Variants in SRD5A3 observed in about 807,000 individuals in gnomAD.
SRD5A3 encodes steroid 5 alpha-reductase 3.
In SRD5A3, 24 loss-of-function variants were observed where a neutral mutation model predicts 34.3. The observed-to-expected ratio is 0.70, with a 90% CI of 0.51 to 0.99. The LOEUF (loss-of-function observed/expected upper bound fraction) is 0.99, where lower values mean the gene tolerates loss of function less well. Ranked by LOEUF, SRD5A3 falls within the 50% of genes least tolerant of loss-of-function variation. SRD5A3 has a pLI of 0.00. For missense variants in SRD5A3, 350 were observed against 388.2 expected, an observed-to-expected ratio of 0.90 and a Z score of 0.83; for synonymous variants, 161 against 167.3, an observed-to-expected ratio of 0.96 and a Z score of 0.29.
At chr4:55,362,276 C>T (rs1474095660) in intron 2 of SRD5A3, among the ~76,000 whole-genome samples, 9 of 151,542 alleles carry the variant, frequency 5.9e-5, no homozygotes, top group East Asian at 2.0e-4. Context: ...TACAGGCATG[C>T]GCCACCATGC....
At chr4:55,363,274 AT>A (rs1719753542) in intron 2 of SRD5A3, among the ~76,000 whole-genome samples, 2 of 152,044 alleles carry the variant, frequency 1.3e-5, no homozygotes, top group South Asian at 2.1e-4. Context: ...AACAAAAAAA[AT>A]TTTTTTTTAA....
intron 1 of SRD5A3, among the ~76,000 whole-genome samples, chr4:55,355,444 C>T (rs964696820): frequency 1.3e-4 from 19 of 146,462 alleles, no homozygotes; most frequent in Non-Finnish European, 4.5e-5. Flanking sequence ...GGCAACAGAG[C>T]GAGACTCCGT....
At chr4:55,368,081 T>C (rs1457765656) in intron 4 of SRD5A3, among the ~76,000 whole-genome samples, 9 of 152,164 alleles carry the variant, frequency 5.9e-5, no homozygotes, top group Non-Finnish European at 1.0e-4. Context: ...TTTTGAAATA[T>C]TAAAAATTGA....
intron 1 of SRD5A3, among the ~76,000 whole-genome samples, chr4:55,355,733 ACAGT>A (rs1388630592): frequency 6.6e-6 from 1 of 152,218 alleles, no homozygotes; most frequent in African/African-American, 2.4e-5. Flanking sequence ...TTTTAACTTC[ACAGT>A]CAGCAGGGCT....
chr4:55,360,232 C>G (rs544520254), intron 2 of SRD5A3, among the ~76,000 whole-genome samples: 8 of 124,798 alleles, frequency 6.4e-5, no homozygotes, highest in Admixed American at 5.8e-4. Context: ...AAAAAAATTA[C>G]TTTTTAATTC....
chr4:55,357,205 C>G (rs1719499727), intron 1 of SRD5A3, among the ~76,000 whole-genome samples: 1 of 152,210 alleles, frequency 6.6e-6, no homozygotes, highest in Non-Finnish European at 1.5e-5. Context: ...TGTTGACCGT[C>G]TGACTCCCCA....
chr4:55,360,014 C>T (rs1310060844), intron 2 of SRD5A3, among the ~76,000 whole-genome samples: 1 of 149,852 alleles, frequency 6.7e-6, no homozygotes, highest in Non-Finnish European at 1.5e-5. Context: ...AGATCGAGAC[C>T]ATCCTGGCTA....
chr4:55,361,210 G>C (rs1240472591), intron 2 of SRD5A3, among the ~76,000 whole-genome samples: 1 of 152,020 alleles, frequency 6.6e-6, no homozygotes, highest in African/African-American at 2.4e-5. Context: ...GGCCGGGTGT[G>C]GTGGTTCATG....
intron 1 of SRD5A3, among the ~76,000 whole-genome samples, chr4:55,349,773 A>G (rs1482258173): frequency 1.3e-5 from 2 of 152,144 alleles, no homozygotes; most frequent in Non-Finnish European, 2.9e-5. Flanking sequence ...GACTTTCCCC[A>G]CTGAAGTCCA....
In SRD5A3 at chr4:55,364,155, A is replaced by G. The variant is rs1041825022; in HGVS notation, c.446A>G (p.Tyr149Cys). The part of the protein sequence containing the change: ...HSLRRLFECL[Y>C]VSVFSNVMIH... The stretch of plus-strand genomic sequence containing the variant: ...TTACGAAGACTCTTCGAGTGCCTCT[A>G]CGTCAGTGTCTTCTCCAATGTCATG... The change falls in exon 3 of 5, where the codon TAC becomes TGC. Residue 149 changes from tyrosine (Y) to cysteine (C), a missense_variant. Physicochemically the swap from Tyr to Cys is radical, Grantham distance 194. Around this residue, in one of 3 missense-constraint regions of SRD5A3, gnomAD observed 186 missense variants for 221.4 expected, o/e 0.84. Transcript: ENST00000264228. The G allele has an allele frequency of 6.2e-6, 10 of 1,614,022 alleles. No individual in the cohort carries two copies. Among genetic ancestry groups the G allele is most frequent in the Non-Finnish European group, 8.5e-6 (10 of 1,180,036 alleles).
Position 55,364,247 on chromosome 4 carries a change from C to T in SRD5A3, c.538C>T (p.Gln180Ter), listed in dbSNP as rs1560371948. Reference sequence around the variant, plus strand: ...CCTTGTTGGCCTAACTGTGCTGAGCCAAGTGCCAATGGATGGCAGGAATGG... The same window carrying T: ...CCTTGTTGGCCTAACTGTGCTGAGCTAAGTGCCAATGGATGGCAGGAATGG... The part of the protein sequence containing the change: ...YVLVGLTVLS[Q>*]VPMDGRNAYI... The change falls in exon 3 of 5, where the codon CAA becomes TAA. Residue 180 changes from glutamine to a stop codon, truncating the protein, a stop_gained. Coordinates refer to ENST00000264228, the MANE Select transcript of SRD5A3 (RefSeq NM_024592.5). LOFTEE classifies it high-confidence loss of function. 1 of 1,614,090 alleles carries T rather than the reference C, an allele frequency of 6.2e-7. No homozygotes were observed. Among genetic ancestry groups the T allele is most frequent in the African/African-American group, 1.3e-5 (1 of 75,012 alleles).
intron 1 of SRD5A3, among the ~76,000 whole-genome samples, chr4:55,354,993 C>T (rs565113042): frequency 6.6e-6 from 1 of 152,314 alleles, no homozygotes; most frequent in East Asian, 1.9e-4. Flanking sequence ...TAAGGATCAC[C>T]TTACCCCTGC....
At chr4:55,363,614 C>T (rs183243481) in intron 2 of SRD5A3, among the ~76,000 whole-genome samples, 1 of 151,998 alleles carries the variant, frequency 6.6e-6, no homozygotes, top group African/African-American at 2.4e-5. Flanking sequence ...AGTATAATTT[C>T]TTTTTTTTAA....
At chr4:55,348,600 A>G (rs1211879263) in intron 1 of SRD5A3, among the ~76,000 whole-genome samples, 4 of 152,238 alleles carry the variant, frequency 2.6e-5, no homozygotes, top group Non-Finnish European at 5.9e-5. Context: ...ACTGGTTTAT[A>G]AATAGTAACC....
intron 1 of SRD5A3, among the ~76,000 whole-genome samples, chr4:55,355,406 C>G (rs1013579733): frequency 4.7e-5 from 7 of 150,330 alleles, no homozygotes; most frequent in Non-Finnish European, 8.9e-5. Flanking sequence ...TGCAATGAAC[C>G]AAGATCGTGC....
chr4:55,346,263 G>A lies in SRD5A3; in HGVS notation c.-74G>A, dbSNP rs1388567835. On this transcript the variant is annotated 5_prime_UTR_variant, in exon 1 of 5. Coordinates refer to ENST00000264228, the MANE Select transcript of SRD5A3 (RefSeq NM_024592.5). ...CGCTAGGCTGAGACCGGTGCGCCGCGCGCTAGTGGCCGCTCTTCCGCGGGC... is the reference window on the plus strand; with the variant it reads ...CGCTAGGCTGAGACCGGTGCGCCGCACGCTAGTGGCCGCTCTTCCGCGGGC... 6.3e-6 allele frequency: 8 copies of A among 1,270,748 alleles called. No individual in the cohort carries two copies. The highest frequency in any genetic ancestry group is 8.1e-6 in the Non-Finnish European group (8 of 989,432). 78.7% of individuals were successfully genotyped at this position (1,270,748 alleles called of 1,614,324 possible). A position where few individuals can be genotyped will look rare whatever the true frequency, so the allele number is the denominator to read the frequency against.
intron 1 of SRD5A3, among the ~76,000 whole-genome samples, chr4:55,357,329 A>G (rs941083086): frequency 1.3e-5 from 2 of 152,266 alleles, no homozygotes; most frequent in African/African-American, 2.4e-5. Flanking sequence ...TATTTGTGAA[A>G]AAATTAAGTA....
intron 1 of SRD5A3, among the ~76,000 whole-genome samples, chr4:55,357,423 G>C (rs1452014959): frequency 2.6e-5 from 4 of 152,198 alleles, no homozygotes; most frequent in Non-Finnish European, 4.4e-5. Flanking sequence ...GCATGTTCTT[G>C]ACCTTCCACT....
intron 1 of SRD5A3, among the ~76,000 whole-genome samples, chr4:55,356,800 C>T (rs1719481247): frequency 6.6e-6 from 1 of 152,058 alleles, no homozygotes; most frequent in Admixed American, 6.6e-5. Context: ...ACCTCCGCCT[C>T]CTGGGTAGCC....
Sources: gnomAD v4.1 joint callset for allele counts (sites outside exome capture counted in the v4.1 genomes callset) on GRCh38, gnomAD v4.1.1 for gene constraint, gnomAD v4.1.1 regional missense constraint, MANE v1.5 for transcripts, NCBI Gene and HGNC (gene_info 2026-07-23, HGNC 2026-07-21) for gene names.